The following DOCK2 variants were observed in gnomAD, a reference collection of about 807,000 sequenced individuals.
DOCK2 encodes dedicator of cytokinesis protein 2.
DOCK2 carries 87 observed loss-of-function variants against 248.9 expected under a neutral mutation model. The ratio of observed to expected loss-of-function variants is 0.35; its 90% CI spans 0.29 to 0.42. The LOEUF (loss-of-function observed/expected upper bound fraction) is 0.42, where lower values mean the gene tolerates loss of function less well. Ranked by LOEUF, DOCK2 falls within the 10% of genes least tolerant of loss-of-function variation. The probability of loss-of-function intolerance (pLI) is 1.00; values close to 1 mark genes in which losing one functional copy is unlikely to be tolerated. For missense variants in DOCK2, 1,747 were observed against 2,300.2 expected (o/e 0.76, Z 4.92); for synonymous variants, 805 against 821.6 (o/e 0.98, Z 0.35).
chr5:170,004,974 G>A (rs1754969218), intron 30 of DOCK2, among the ~76,000 whole-genome samples: 1 of 146,432 alleles, frequency 6.8e-6, no homozygotes, highest in South Asian at 2.3e-4. Context: ...GCTAGATGAC[G>A]AGTTAGTGGG....
At chr5:169,893,540 G>A (rs1399739460) in intron 27 of DOCK2, among the ~76,000 whole-genome samples, 1 of 147,812 alleles carries the variant, frequency 6.8e-6, no homozygotes, top group Non-Finnish European at 1.5e-5. Context: ...TATTTTTCCT[G>A]GGGTCAAACA....
chr5:169,727,093 G>GAAAGA lies in DOCK2; in HGVS notation c.2267+8312_2267+8316dup, dbSNP rs149502435. Among the ~76,000 whole-genome samples the GAAAGA allele has an allele frequency of 5.5e-3, 823 of 150,548 alleles. 11 individuals carry two copies. Among genetic ancestry groups the GAAAGA allele is most frequent in the African/African-American group, 0.019 (786 of 40,968 alleles). On this transcript the variant is annotated intron_variant, in intron 22 of 51. Transcript: ENST00000520908. ...AAAAAAAAAAAAAAGAAAAAAGAAA[G>GAAAGA]AAAGAAAAGAAAAGGAGCCAGTCCA...
At chr5:169,748,722 C>T (rs2113694114) in intron 23 of DOCK2, among the ~76,000 whole-genome samples, 1 of 152,006 alleles carries the variant, frequency 6.6e-6, no homozygotes, top group East Asian at 1.9e-4. Flanking sequence ...ACATAAATAC[C>T]CTCCTCTAGA....
intron 6 of DOCK2, among the ~76,000 whole-genome samples, chr5:169,680,660 G>A (rs1469535017): frequency 6.6e-6 from 1 of 152,064 alleles, no homozygotes; most frequent in African/African-American, 2.4e-5. Flanking sequence ...GTTCAAGGCT[G>A]TGGGAAGCTA....
chr5:169,930,751 G>A (rs1233139759), intron 27 of DOCK2, among the ~76,000 whole-genome samples: 1 of 152,162 alleles, frequency 6.6e-6, no homozygotes, highest in Non-Finnish European at 1.5e-5. Flanking sequence ...AGAGTCGGGT[G>A]GAAGGCACTG....
At chr5:169,646,058 G>A (rs374725002) in intron 1 of DOCK2, among the ~76,000 whole-genome samples, 17 of 152,224 alleles carry the variant, frequency 1.1e-4, no homozygotes, top group African/African-American at 3.9e-4. Flanking sequence ...CTCTTCTAGG[G>A]TTTTTATGGT....
rs946511731 is a variant in DOCK2 at position 169,783,797 on chromosome 5, A to T, written c.2555-19261A>T. 2.6e-5 allele frequency among the ~76,000 whole-genome samples: 4 copies of T among 152,238 alleles called. No homozygotes were observed. In the South Asian group the frequency reaches 8.3e-4, roughly 31 times the overall value. On this transcript the variant is annotated intron_variant, in intron 25 of 51. Transcript: ENST00000520908. ...GTAGGTTGTTATCACTATTTTACAGATGGATAAACCTGCTTAAATGTGCCA... is the reference window on the plus strand; with the variant it reads ...GTAGGTTGTTATCACTATTTTACAGTTGGATAAACCTGCTTAAATGTGCCA...
At chr5:170,080,001 C>T in intron 49 of DOCK2, 162 bp from the exon 50 acceptor site, 1 of 1,233,272 alleles carries the variant, frequency 8.1e-7, no homozygotes, top group Non-Finnish European at 1.1e-6. Context: ...CCATATGTGG[C>T]AGGCTGGCAT....
At chr5:169,708,556 A>C (rs1761405598) in intron 15 of DOCK2, among the ~76,000 whole-genome samples, 1 of 139,946 alleles carries the variant, frequency 7.1e-6, no homozygotes, top group African/African-American at 2.7e-5. Flanking sequence ...GACTGGAACA[A>C]TTAGCATTCT....
chr5:170,040,932 G>A, intron 36 of DOCK2, 123 bp from the exon 37 acceptor site: 2 of 730,162 alleles, frequency 2.7e-6, no homozygotes, highest in South Asian at 1.6e-5. Context: ...TGGTTATCCA[G>A]GGAGGAGGAC....
At chr5:170,017,359 T>C (rs17738444) in intron 32 of DOCK2, among the ~76,000 whole-genome samples, 33,261 of 151,920 alleles carry the variant, frequency 0.22, 4,086 homozygotes, top group African/African-American at 0.31. Flanking sequence ...TGATGAAATA[T>C]AGAGGTGTGA....
At chr5:169,643,776 G>A (rs2113102898) in intron 1 of DOCK2, among the ~76,000 whole-genome samples, 1 of 152,330 alleles carries the variant, frequency 6.6e-6, no homozygotes, top group East Asian at 1.9e-4. Context: ...GGAGACATAG[G>A]TGGACAGTAT....
At chr5:169,644,402 G>T (rs1757332868) in intron 1 of DOCK2, among the ~76,000 whole-genome samples, 1 of 152,078 alleles carries the variant, frequency 6.6e-6, no homozygotes, top group Admixed American at 6.6e-5. Flanking sequence ...TTAGATTCGG[G>T]ATGTATGTGT....
intron 29 of DOCK2, among the ~76,000 whole-genome samples, chr5:169,988,806 C>G (rs965826808): frequency 6.6e-6 from 1 of 152,144 alleles, no homozygotes; most frequent in African/African-American, 2.4e-5. Context: ...GCATTTTGCC[C>G]AGAGAGGTGA....
At chr5:169,832,168 A>G (rs1282279869) in intron 26 of DOCK2, among the ~76,000 whole-genome samples, 1 of 152,192 alleles carries the variant, frequency 6.6e-6, no homozygotes, top group East Asian at 1.9e-4. Flanking sequence ...AGTTTTATAA[A>G]CAGTTAAATG....
chr5:169,828,304 C>T (rs918549120), intron 26 of DOCK2, among the ~76,000 whole-genome samples: 1 of 152,138 alleles, frequency 6.6e-6, no homozygotes, highest in Non-Finnish European at 1.5e-5. Flanking sequence ...AGTAGTTTTT[C>T]TAAAGTTTCT....
In DOCK2 at chr5:169,928,411, G is replaced by T. The variant is rs766929071; in HGVS notation, c.2800-54657G>T. 2.0e-5 allele frequency among the ~76,000 whole-genome samples: 3 copies of T among 152,186 alleles called. No homozygotes were observed. The South Asian group carries it at 6.2e-4, about 32-fold the overall frequency. On this transcript the variant is annotated intron_variant, in intron 27 of 51. Coordinates refer to ENST00000520908, the MANE Select transcript of DOCK2 (RefSeq NM_004946.3). ...GCACTGCTCTGCCCCAGAATGCCCC[G>T]CTGTTTTCACGTAGTCAGGCAGGTT...
At chr5:169,994,751 G>T (rs1379535324) in intron 29 of DOCK2, among the ~76,000 whole-genome samples, 2 of 152,154 alleles carry the variant, frequency 1.3e-5, no homozygotes, top group Non-Finnish European at 2.9e-5. Context: ...GAAGGTTGGG[G>T]TCCCATCATG....
At chr5:169,801,895 A>G (rs940257202) in intron 25 of DOCK2, among the ~76,000 whole-genome samples, 6 of 150,582 alleles carry the variant, frequency 4.0e-5, no homozygotes, top group Admixed American at 2.0e-4. Context: ...CTGTACCTTG[A>G]TAAGGAGAGT....
Sources: allele counts gnomAD v4.1 joint callset (sites outside exome capture counted in the v4.1 genomes callset), GRCh38; gene constraint gnomAD v4.1.1; transcripts MANE v1.5; gene names NCBI Gene and HGNC (gene_info 2026-07-23, HGNC 2026-07-21).